Variants in CALR3 observed in about 807,000 individuals in gnomAD.
CALR3 encodes calreticulin 3.
A neutral mutation model predicts 48.7 loss-of-function variants in CALR3; 39 were observed. That is an observed-to-expected ratio of 0.80 (90% CI 0.62 to 1.05). The LOEUF (loss-of-function observed/expected upper bound fraction) is 1.05. CALR3 is among the 50% of genes least tolerant of loss of function. CALR3 has a pLI of 0.00. For missense variants in CALR3, 449 were observed against 474.7 expected, an observed-to-expected ratio of 0.95 and a Z score of 0.50; for synonymous variants, 185 against 172.7, an observed-to-expected ratio of 1.07 and a Z score of -0.56.
chr19:16,496,108 G>A lies in CALR3; in HGVS notation c.22C>T (p.Leu8Phe), dbSNP rs11544148. 1.2e-6 allele frequency: 2 copies of A among 1,605,606 alleles called. No homozygotes were observed. Among genetic ancestry groups the A allele is most frequent in the Admixed American group, 1.7e-5 (1 of 59,028 alleles). Residue 8 changes from leucine to phenylalanine, a missense_variant, in exon 1 of 9, where the codon CTC (leucine) becomes TTC (phenylalanine). By Grantham distance (22) the Leu-to-Phe change is conservative. Transcript: ENST00000269881. The stretch of plus-strand genomic sequence containing the variant: ...ACTCGCAGCATGCATATGGCCCAGA[G>A]CTGGACCAAAGCCCGGGCCATGGGG... Reference protein sequence around the residue: MARALVQLWAICMLRVAL... With the variant: MARALVQFWAICMLRVAL...
Position 16,490,570 on chromosome 19 carries a change from C to A in CALR3, c.194G>T (p.Gly65Val). The change falls in exon 3 of 9, where the codon GGT (glycine) becomes GTT (valine). Residue 65 changes from glycine (G) to valine (V), a missense_variant and splice_region_variant. Transcript: ENST00000269881. Reference protein sequence around the residue: ...KFYGHKEKDKGLQTTQNGRFY... With the variant: ...KFYGHKEKDKVLQTTQNGRFY... ...TCGGCCATTCTGAGTGGTTTGCAGA[C>A]CTTTGAACAAAATATACTCATGAAG... is the stretch of plus-strand genomic sequence containing the variant. The A allele has an allele frequency of 6.2e-7, 1 of 1,613,870 alleles. No individual in the cohort carries two copies. Among genetic ancestry groups the A allele is most frequent in the Non-Finnish European group, 8.5e-7 (1 of 1,179,854 alleles).
intron 2 of CALR3, among the ~76,000 whole-genome samples, chr19:16,492,483 C>T (rs1161972654): frequency 6.6e-6 from 1 of 152,018 alleles, no homozygotes; most frequent in Non-Finnish European, 1.5e-5. Flanking sequence ...GTAATTCCAA[C>T]ACTTTGGGAG....
In CALR3 at chr19:16,486,834, G is replaced by A. The variant is rs543956392; in HGVS notation, c.398-1577C>T. Among the ~76,000 whole-genome samples, 3 of 152,182 alleles carry A rather than the reference G, an allele frequency of 2.0e-5. No individual in the cohort carries two copies. In the East Asian group the frequency reaches 5.8e-4, roughly 29 times the overall value. On this transcript the variant is annotated intron_variant, in intron 3 of 8. Coordinates refer to ENST00000269881, the MANE Select transcript of CALR3 (RefSeq NM_145046.5). ...TCCCCTCACACTAATGGCTGGCGCT[G>A]ACTCATTGCAACAAAGTGTCCCAAT...
In CALR3 at chr19:16,495,350, G is replaced by A. The variant is rs2093405435; in HGVS notation, c.193+401C>T. ...GAGGCCAAGGTGGGTGGATCATGAG[G>A]TCAGGAGTTCGAGACCAGCCTGGCC... On this transcript the variant is annotated intron_variant, in intron 2 of 8. Transcript: ENST00000269881. 3.3e-5 allele frequency among the ~76,000 whole-genome samples: 5 copies of A among 151,926 alleles called. 1 individual carries two copies. In the South Asian group the frequency reaches 1.0e-3, roughly 32 times the overall value.
Position 16,482,517 on chromosome 19 carries a change from T to C in CALR3, c.851A>G (p.Asp284Gly). The C allele has an allele frequency of 6.2e-7, 1 of 1,614,214 alleles. No homozygotes were observed. Residue 284 changes from aspartate (D) to glycine (G), a missense_variant, in exon 7 of 9, where the codon GAC (aspartate) becomes GGC (glycine). Coordinates refer to ENST00000269881, the MANE Select transcript of CALR3 (RefSeq NM_145046.5). ...TGAGAGGTCATACTGCGTCAAATAG[T>C]CGGTATTCTTCATCTTACGGTGGAG... ...VWLHRKMKNT[D>G]YLTQYDLSEF...
chr19:16,483,706 G>A (rs1352459111), intron 5 of CALR3: 5 of 519,030 alleles, frequency 9.6e-6, no homozygotes, highest in South Asian at 4.4e-5. Flanking sequence ...CAAGAAGAAC[G>A]AAACTCTGTC....
At chr19:16,480,230 GTCCTAA>G (rs1490767689) in intron 8 of CALR3, among the ~76,000 whole-genome samples, 2 of 140,554 alleles carry the variant, frequency 1.4e-5, no homozygotes, top group African/African-American at 5.3e-5. Flanking sequence ...AAAAATTCAT[GTCCTAA>G]TCCCTGGAAC....
intron 1 of CALR3, 89 bp downstream of exon 1, chr19:16,495,950 G>A: frequency 1.3e-6 from 2 of 1,557,040 alleles, no homozygotes; most frequent in Admixed American, 3.6e-5. Flanking sequence ...AGGGTTCGCT[G>A]CCGTGGACCC....
At chr19:16,493,370 C>CA (rs933611851) in intron 2 of CALR3, among the ~76,000 whole-genome samples, 10 of 152,156 alleles carry the variant, frequency 6.6e-5, no homozygotes, top group African/African-American at 2.4e-4. Context: ...CATTATCTAT[C>CA]AAGCCTTGCC....
chr19:16,491,700 C>A (rs2093398380), intron 2 of CALR3, among the ~76,000 whole-genome samples: 1 of 150,754 alleles, frequency 6.6e-6, no homozygotes, highest in Non-Finnish European at 1.5e-5. Context: ...TCGCTTAAAC[C>A]CAGGAGGCGG....
chr19:16,485,027 T>C, intron 4 of CALR3, 136 bp downstream of exon 4: 1 of 678,824 alleles, frequency 1.5e-6, no homozygotes, highest in Non-Finnish European at 2.6e-6. Flanking sequence ...CCCCCTAAAC[T>C]GGAAACTGGA....
Position 16,482,700 on chromosome 19 carries a change from A to G in CALR3, c.764T>C (p.Met255Thr). ...GDLDGDWPAP[M>T]LQKPPYQDGL... Reference sequence around the variant, plus strand: ...CACCTGGTACGGGGGCTTCTGGAGCATCGGCGCTGGCCAGTCCCCATCCAG... The same window carrying G: ...CACCTGGTACGGGGGCTTCTGGAGCGTCGGCGCTGGCCAGTCCCCATCCAG... Residue 255 changes from methionine to threonine, a missense_variant, in exon 6 of 9, where the codon ATG (methionine) becomes ACG (threonine). Physicochemically the swap from Met to Thr is moderately conservative, Grantham distance 81 (BLOSUM62 -1). Coordinates refer to ENST00000269881, the MANE Select transcript of CALR3 (RefSeq NM_145046.5). The G allele has an allele frequency of 1.9e-6, 3 of 1,614,114 alleles. No individual in the cohort carries two copies. Among genetic ancestry groups the G allele is most frequent in the Non-Finnish European group, 2.5e-6 (3 of 1,180,006 alleles).
chr19:16,494,372 T>G (rs1187160517), intron 2 of CALR3, among the ~76,000 whole-genome samples: 2 of 151,318 alleles, frequency 1.3e-5, no homozygotes, highest in African/African-American at 4.9e-5. Context: ...ATATTTTTCT[T>G]TTTTTTTGAG....
At chr19:16,479,930 C>T (rs1027724007) in intron 8 of CALR3, among the ~76,000 whole-genome samples, 1 of 151,670 alleles carries the variant, frequency 6.6e-6, no homozygotes, top group African/African-American at 2.4e-5. Context: ...CCTGGCTGGG[C>T]GCGGTGGCTC....
At chr19:16,480,550 T>C in intron 8 of CALR3, 64 bp downstream of exon 8, 1 of 970,266 alleles carries the variant, frequency 1.0e-6, no homozygotes, top group Non-Finnish European at 1.5e-6. Flanking sequence ...AGACTCCATC[T>C]AAAAAAAAAA....
intron 5 of CALR3, among the ~76,000 whole-genome samples, chr19:16,483,401 G>C (rs1480268435): frequency 6.6e-6 from 1 of 152,110 alleles, no homozygotes; most frequent in Admixed American, 6.6e-5. Flanking sequence ...GTAGTGGCTA[G>C]AGTGAAAAAT....
At chr19:16,492,116 A>G (rs1170804135) in intron 2 of CALR3, among the ~76,000 whole-genome samples, 1 of 152,168 alleles carries the variant, frequency 6.6e-6, no homozygotes, top group East Asian at 2.0e-4. Context: ...GGTGTGAACC[A>G]CTGTGCCTGG....
At chr19:16,495,727 A>G in intron 2 of CALR3, 24 bp downstream of exon 2, 2 of 1,573,458 alleles carry the variant, frequency 1.3e-6, no homozygotes, top group South Asian at 1.1e-5. Context: ...ATTAGGCTCA[A>G]TTTGGTCCTG....
Position 16,495,803 on chromosome 19 carries a change from C to G in CALR3, c.141G>C (p.Gly47=). Residue 47 remains glycine (G), a synonymous_variant, in exon 2 of 9, where the codon GGG becomes GGC. Transcript: ENST00000269881. The part of the protein sequence containing the change: ...WLQSTNDSRF[G]HFRLSSGKFY... ...ACTTGCCCGACGAAAGTCTAAAATG[C>G]CCAAATCGGGAGTCATTGGTGGACT... 1 of 1,614,124 alleles carries G rather than the reference C, an allele frequency of 6.2e-7. No homozygotes were observed. Among genetic ancestry groups the G allele is most frequent in the Non-Finnish European group, 8.5e-7 (1 of 1,180,028 alleles).
Sources: gnomAD v4.1 joint callset for allele counts (sites outside exome capture counted in the v4.1 genomes callset) on GRCh38, gnomAD v4.1.1 for gene constraint, MANE v1.5 for transcripts, NCBI Gene and HGNC (gene_info 2026-07-23, HGNC 2026-07-21) for gene names.